RPH3A: variants seen among roughly 807,000 people sequenced by gnomAD.
The protein encoded by RPH3A is rabphilin-3A.
Under a neutral mutation model 102.2 loss-of-function variants are expected in RPH3A, and 48 were observed. That is an observed-to-expected ratio of 0.47 (90% CI 0.37 to 0.60). The LOEUF (loss-of-function observed/expected upper bound fraction) is 0.60. Ranked by LOEUF, RPH3A falls within the 20% of genes least tolerant of loss-of-function variation. The probability of loss-of-function intolerance (pLI) is 0.00; values close to 1 mark genes in which losing one functional copy is unlikely to be tolerated. For synonymous variants in RPH3A, 310 were observed against 324.3 expected (o/e 0.96, Z 0.47); for missense variants, 781 against 910.1 (o/e 0.86, Z 1.83).
intron 1 of RPH3A, among the ~76,000 whole-genome samples, chr12:112,610,273 G>A (rs1213585050): frequency 6.6e-6 from 1 of 152,074 alleles, no homozygotes; most frequent in Non-Finnish European, 1.5e-5. Flanking sequence ...GAGGCCAAGC[G>A]AGGCAGATCA....
chr12:112,866,109 G>A (rs79859642), intron 6 of RPH3A, among the ~76,000 whole-genome samples: 2,060 of 152,154 alleles, frequency 0.014, 34 homozygotes, highest in East Asian at 0.057. Flanking sequence ...GGGGTCTGCC[G>A]GACTCCAAGA....
intron 1 of RPH3A, among the ~76,000 whole-genome samples, chr12:112,610,506 TAAAAA>T (rs574202389): frequency 1.0e-5 from 1 of 95,458 alleles, no homozygotes; most frequent in African/African-American, 4.2e-5. Flanking sequence ...CTGTCTCAAT[TAAAAA>T]AAAAAAAAAA....
chr12:112,654,882 G>C (rs910451669), intron 1 of RPH3A, among the ~76,000 whole-genome samples: 1 of 152,146 alleles, frequency 6.6e-6, no homozygotes, highest in Non-Finnish European at 1.5e-5. Context: ...AGTATGTGTG[G>C]GAGCATTATC....
At chr12:112,709,091 T>C (rs549842278) in intron 1 of RPH3A, among the ~76,000 whole-genome samples, 6 of 152,290 alleles carry the variant, frequency 3.9e-5, no homozygotes, top group Admixed American at 3.9e-4. Context: ...CAGCTCCCTT[T>C]GATGGGTGTG....
intron 20 of RPH3A, among the ~76,000 whole-genome samples, chr12:112,895,225 C>G (rs907506400): frequency 1.3e-5 from 2 of 152,096 alleles, no homozygotes; most frequent in Non-Finnish European, 2.9e-5. Context: ...GCCTCAGCTT[C>G]CCGAATAGCT....
chr12:112,627,392 TTTAA>T (rs1375572009), intron 1 of RPH3A, among the ~76,000 whole-genome samples: 1 of 149,018 alleles, frequency 6.7e-6, no homozygotes, highest in Non-Finnish European at 1.5e-5. Context: ...TATATAAATA[TTTAA>T]TAATATTTCA....
rs1019821693 is a variant in RPH3A, at chr12:112,667,374, C to G, written c.-140+92055C>G. Among the ~76,000 whole-genome samples the G allele has an allele frequency of 1.3e-5, 2 of 152,108 alleles. 1 individual carries two copies. The highest frequency in any genetic ancestry group is 4.2e-4 in the South Asian group (2 of 4,818). ...ATGTCAAAAGTTGCCTTTAATTCTTCCTCCCACCCTGGACCCTTTTTTCTC... is the reference window on the plus strand; with the variant it reads ...ATGTCAAAAGTTGCCTTTAATTCTTGCTCCCACCCTGGACCCTTTTTTCTC... On this transcript the variant is annotated intron_variant, in intron 1 of 21. Transcript: ENST00000543106.
chr12:112,876,517 G>T, intron 12 of RPH3A, 125 bp from the exon 13 acceptor site: 1 of 661,830 alleles, frequency 1.5e-6, no homozygotes, highest in Non-Finnish European at 2.6e-6. Context: ...AGATCCCAAG[G>T]TCCCACTGCA....
chr12:112,757,607 G>A (rs2040829898), intron 1 of RPH3A, among the ~76,000 whole-genome samples: 1 of 152,056 alleles, frequency 6.6e-6, no homozygotes, highest in African/African-American at 2.4e-5. Flanking sequence ...CAACTTGCAA[G>A]CTAAAATATC....
intron 1 of RPH3A, among the ~76,000 whole-genome samples, chr12:112,693,742 CT>C (rs2040324566): frequency 6.6e-6 from 1 of 152,218 alleles, no homozygotes; most frequent in African/African-American, 2.4e-5. Flanking sequence ...GTGATGCCCC[CT>C]GCTCCTCACC....
chr12:112,646,387 C>T (rs232919), intron 1 of RPH3A, among the ~76,000 whole-genome samples: 133,790 of 152,158 alleles, frequency 0.88, 59,119 homozygotes, highest in East Asian at 0.98. Context: ...ATAATGTCCC[C>T]CCATGGAAGA....
intron 1 of RPH3A, among the ~76,000 whole-genome samples, chr12:112,704,092 CTTT>C (rs764997927): frequency 3.4e-5 from 5 of 146,052 alleles, no homozygotes; most frequent in South Asian, 2.2e-4. Flanking sequence ...TCTTCTTCTT[CTTT>C]TTTTTTTTTT....
chr12:112,825,660 T>G (rs529368096), intron 2 of RPH3A, among the ~76,000 whole-genome samples: 34 of 152,256 alleles, frequency 2.2e-4, no homozygotes, highest in Non-Finnish European at 4.6e-4. Context: ...TCAGCAAATT[T>G]TCATTACGTA....
chr12:112,742,889 G>T (rs2040719405), intron 1 of RPH3A, among the ~76,000 whole-genome samples: 1 of 152,206 alleles, frequency 6.6e-6, no homozygotes, highest in Non-Finnish European at 1.5e-5. Flanking sequence ...TGTTGGCAGG[G>T]CTGTGTTCCT....
intron 3 of RPH3A, among the ~76,000 whole-genome samples, chr12:112,829,283 T>C (rs2041930263): frequency 6.6e-6 from 1 of 152,140 alleles, no homozygotes; most frequent in Non-Finnish European, 1.5e-5. Flanking sequence ...TTTTTTCTTT[T>C]TTTTTCTTGA....
At chr12:112,684,880 C>T (rs1240354835) in intron 1 of RPH3A, among the ~76,000 whole-genome samples, 3 of 152,176 alleles carry the variant, frequency 2.0e-5, no homozygotes. Flanking sequence ...GATTCAATGT[C>T]TGGTAAGGGC....
chr12:112,840,059 G>A (rs2042116158), intron 4 of RPH3A, among the ~76,000 whole-genome samples: 1 of 152,060 alleles, frequency 6.6e-6, no homozygotes, highest in African/African-American at 2.4e-5. Context: ...CATGGCATAG[G>A]GCATGGATAC....
At chr12:112,893,417 C>T (rs1027818889) in intron 19 of RPH3A, 1 of 152,238 alleles carries the variant, frequency 6.6e-6, no homozygotes, top group Non-Finnish European at 1.5e-5. Context: ...TAAAGTTGCT[C>T]CGCTGGTGAC....
At chr12:112,849,875 T>C (rs2042294053) in intron 5 of RPH3A, among the ~76,000 whole-genome samples, 1 of 152,198 alleles carries the variant, frequency 6.6e-6, no homozygotes, top group South Asian at 2.1e-4. Context: ...TACTATTCCT[T>C]GTCCAGTCAA....
Sources: allele counts gnomAD v4.1 joint callset (sites outside exome capture counted in the v4.1 genomes callset), GRCh38; gene constraint gnomAD v4.1.1; transcripts MANE v1.5; gene names NCBI Gene and HGNC (gene_info 2026-07-23, HGNC 2026-07-21).